The following CC2D2A variants were observed in gnomAD, a reference collection of about 807,000 sequenced individuals.
The protein encoded by CC2D2A is coiled-coil and C2 domain containing 2A, also known as coiled-coil and C2 domain-containing protein 2A.
CC2D2A carries 155 observed loss-of-function variants against 212.9 expected under a neutral mutation model. That is an observed-to-expected ratio of 0.73 (90% CI 0.64 to 0.83). The LOEUF is 0.83. CC2D2A is among the 40% of genes least tolerant of loss of function. The pLI is 0.00. For missense variants in CC2D2A, 1,856 were observed against 1,956.2 expected, an observed-to-expected ratio of 0.95 and a Z score of 0.97; for synonymous variants, 667 against 686.5, an observed-to-expected ratio of 0.97 and a Z score of 0.44.
At chr4:15,592,123 T>C (rs1311300976) in intron 33 of CC2D2A, among the ~76,000 whole-genome samples, 3 of 152,204 alleles carry the variant, frequency 2.0e-5, no homozygotes, top group Non-Finnish European at 4.4e-5. Flanking sequence ...TTCCAAGGAA[T>C]AAGTCTCTTC....
rs779671615 is a variant in CC2D2A, at chr4:15,599,600, G to C, written c.4568G>C (p.Cys1523Ser). 6.2e-7 allele frequency: 1 copy of C among 1,612,982 alleles called. No individual in the cohort carries two copies. Among genetic ancestry groups the C allele is most frequent in the South Asian group, 1.1e-5 (1 of 90,956 alleles). ...PRHLTRWNRYCTSTLRHFLPL... is the reference protein window; with the variant it reads ...PRHLTRWNRYSTSTLRHFLPL... The stretch of plus-strand genomic sequence containing the variant: ...CATCTGACTCGGTGGAATAGGTATT[G>C]TACCTCTACTCTGCGTCACTTCTTG... Residue 1523 changes from cysteine (C) to serine (S), a missense_variant, in exon 36 of 37, where the codon TGT becomes TCT. Physicochemically the swap from Cys to Ser is moderately radical, Grantham distance 112. Coordinates refer to ENST00000424120, the MANE Select transcript of CC2D2A (RefSeq NM_001378615.1).
At chr4:15,479,248 G>A (rs753115457) in intron 3 of CC2D2A, 2 of 1,537,222 alleles carry the variant, frequency 1.3e-6, no homozygotes, top group South Asian at 1.2e-5. Flanking sequence ...TCCCGAGCCT[G>A]CTGGCAGATC....
rs537401593 is a variant in CC2D2A at position 15,595,268 on chromosome 4, G to T, written c.4315-817G>T. On this transcript the variant is annotated intron_variant, in intron 33 of 36. Transcript: ENST00000424120. Reference sequence around the variant, plus strand: ...ACAAATTCATGTATATAGTTACTCAGTATGACTACTGTATGCCAGGAGCTA... The same window carrying T: ...ACAAATTCATGTATATAGTTACTCATTATGACTACTGTATGCCAGGAGCTA... Among the ~76,000 whole-genome samples the T allele has an allele frequency of 1.2e-4, 18 of 152,286 alleles. No homozygotes were observed. In the East Asian group the frequency reaches 3.5e-3, roughly 29 times the overall value.
At chr4:15,476,469 C>T (rs2108966488) in intron 2 of CC2D2A, among the ~76,000 whole-genome samples, 1 of 152,350 alleles carries the variant, frequency 6.6e-6, no homozygotes, top group East Asian at 1.9e-4. Flanking sequence ...TTTAATTTAA[C>T]ACACACCGAC....
intron 2 of CC2D2A, among the ~76,000 whole-genome samples, chr4:15,478,401 G>A: frequency 6.6e-6 from 1 of 152,196 alleles, no homozygotes; most frequent in African/African-American, 2.4e-5. Flanking sequence ...GACAGCATGT[G>A]GCTTTCAATT....
chr4:15,500,074 ATTGTGT>A, intron 4 of CC2D2A, among the ~76,000 whole-genome samples: 1 of 93,786 alleles, frequency 1.1e-5, no homozygotes, highest in African/African-American at 4.9e-5. Context: ...ACAAACCTAG[ATTGTGT>A]GTGTGTGTGT....
At chr4:15,524,512 G>A (rs571853639) in intron 11 of CC2D2A, among the ~76,000 whole-genome samples, 13 of 141,640 alleles carry the variant, frequency 9.2e-5, no homozygotes, top group East Asian at 4.4e-4. Flanking sequence ...GTGCAGTAGC[G>A]CAATCTTGGC....
chr4:15,589,598 T>C lies in CC2D2A; in HGVS notation c.4233T>C (p.Asn1411=). 6.2e-7 allele frequency: 1 copy of C among 1,612,944 alleles called. No homozygotes were observed. The highest frequency in any genetic ancestry group is 1.1e-5 in the South Asian group (1 of 90,966). The change falls in exon 33 of 37, where the codon AAT becomes AAC. Residue 1411 remains asparagine, a synonymous_variant. Transcript: ENST00000424120. ...TWEQGRYLIW[N]PCSGHFYGQF... ...AGCAAGGTCGTTATTTAATATGGAA[T>C]CCCTGCAGTGGACATTTTTATGGAC...
At chr4:15,489,162 A>T (rs1031135630) in intron 4 of CC2D2A, among the ~76,000 whole-genome samples, 1 of 152,254 alleles carries the variant, frequency 6.6e-6, no homozygotes, top group Non-Finnish European at 1.5e-5. Context: ...ATTGGTGGAA[A>T]AGAAAGTTCA....
intron 19 of CC2D2A, among the ~76,000 whole-genome samples, chr4:15,554,067 C>T (rs989149075): frequency 2.6e-5 from 4 of 152,180 alleles, no homozygotes; most frequent in Admixed American, 6.5e-5. Context: ...ATCCCCATAA[C>T]GACCACACAT....
At chr4:15,479,101 T>G in intron 3 of CC2D2A, 2 of 759,186 alleles carry the variant, frequency 2.6e-6, no homozygotes, top group Non-Finnish European at 4.5e-6. Flanking sequence ...GGAAGGAGCC[T>G]GTTTTAGTGC....
chr4:15,470,684 TCTCTC>T (rs1560383062), intron 1 of CC2D2A, among the ~76,000 whole-genome samples: 17 of 27,854 alleles, frequency 6.1e-4, no homozygotes, highest in African/African-American at 1.6e-3. Context: ...TCTCTCTCTC[TCTCTC>T]TATATATATA....
chr4:15,476,210 C>T (rs769148058), intron 2 of CC2D2A, among the ~76,000 whole-genome samples: 3 of 152,232 alleles, frequency 2.0e-5, no homozygotes, highest in Non-Finnish European at 4.4e-5. Context: ...CAGACAGCAT[C>T]TATGGACTGA....
chr4:15,519,795 C>G (rs563782054), intron 11 of CC2D2A: 1 of 316,726 alleles, frequency 3.2e-6, no homozygotes, highest in East Asian at 8.9e-5. Context: ...AAAGACCCAC[C>G]CCCATAATTC....
chr4:15,574,675 T>C (rs1432515372), intron 29 of CC2D2A, among the ~76,000 whole-genome samples: 1 of 152,232 alleles, frequency 6.6e-6, no homozygotes, highest in Non-Finnish European at 1.5e-5. Context: ...AATATCAGAT[T>C]GCTCTTTTAT....
At chr4:15,578,083 A>G (rs1328957508) in intron 29 of CC2D2A, among the ~76,000 whole-genome samples, 2 of 152,210 alleles carry the variant, frequency 1.3e-5, no homozygotes, top group Non-Finnish European at 2.9e-5. Context: ...ACCATTCTAC[A>G]TTAGAAATCT....
At chr4:15,562,556 C>T (rs1162120373) in intron 23 of CC2D2A, among the ~76,000 whole-genome samples, 1 of 152,180 alleles carries the variant, frequency 6.6e-6, no homozygotes, top group African/African-American at 2.4e-5. Context: ...CTCCCTATAC[C>T]TCCTCCTCTT....
chr4:15,530,810 A>G (rs1717811299), intron 13 of CC2D2A, among the ~76,000 whole-genome samples: 1 of 151,596 alleles, frequency 6.6e-6, no homozygotes, highest in Non-Finnish European at 1.5e-5. Flanking sequence ...CACCCCCGAG[A>G]ACTCCCCACC....
chr4:15,488,205 T>C (rs963341615), intron 4 of CC2D2A, among the ~76,000 whole-genome samples: 22 of 152,334 alleles, frequency 1.4e-4, no homozygotes, highest in Admixed American at 3.9e-4. Flanking sequence ...CTCTTTTAGA[T>C]TGAAGAACTC....
Sources: allele counts gnomAD v4.1 joint callset (sites outside exome capture counted in the v4.1 genomes callset), GRCh38; gene constraint gnomAD v4.1.1; transcripts MANE v1.5; gene names NCBI Gene and HGNC (gene_info 2026-07-23, HGNC 2026-07-21).